STK32B: variants seen among roughly 807,000 people sequenced by gnomAD.
STK32B encodes the protein serine/threonine kinase 32B.
STK32B carries 43 observed loss-of-function variants against 52.6 expected under a neutral mutation model. The ratio of observed to expected loss-of-function variants is 0.82; its 90% CI spans 0.64 to 1.05. STK32B has a LOEUF of 1.05. Among genes scored for constraint, STK32B ranks in the 50% least tolerant of loss-of-function variants. The pLI, the probability that STK32B is intolerant of heterozygous loss-of-function variation, is 0.00. For synonymous variants in STK32B, 238 were observed against 204.3 expected (o/e 1.17, Z -1.41); for missense variants, 621 against 534.6 (o/e 1.16, Z -1.59).
chr4:5,157,168 GAT>G (rs930479547), intron 2 of STK32B, among the ~76,000 whole-genome samples: 3 of 152,026 alleles, frequency 2.0e-5, no homozygotes, highest in Non-Finnish European at 4.4e-5. Flanking sequence ...GAATCTTATT[GAT>G]CTTTCAAGGT....
At chr4:5,172,572 G>T (rs1285627064) in intron 3 of STK32B, among the ~76,000 whole-genome samples, 5 of 152,044 alleles carry the variant, frequency 3.3e-5, no homozygotes, top group African/African-American at 1.2e-4. Context: ...ATAACCATGT[G>T]GTTTTTGTCT....
In STK32B at chr4:5,168,331, A is replaced by C; in HGVS notation, c.141A>C (p.Lys47Asn). 1 of 1,613,908 alleles carries C rather than the reference A, an allele frequency of 6.2e-7. No homozygotes were observed. The highest frequency in any genetic ancestry group is 1.1e-5 in the South Asian group (1 of 91,056). Residue 47 changes from lysine (K) to asparagine (N), a missense_variant, in exon 3 of 12, where the codon AAA becomes AAC. Transcript: ENST00000282908. ...VCIVQKRDTK[K>N]MYAMKYMNKQ... ...TCGTGCAGAAGCGAGACACTAAGAA[A>C]ATGTATGCAATGAAGTACATGAACA... is the stretch of plus-strand genomic sequence containing the variant.
chr4:5,394,069 A>G lies in STK32B; in HGVS notation c.435-4138A>G, dbSNP rs545436449. On this transcript the variant is annotated intron_variant, in intron 4 of 11. Coordinates refer to ENST00000282908, the MANE Select transcript of STK32B (RefSeq NM_018401.3). This position sits in a 1 kb window ranked among gnomAD's most constrained non-coding sequence, Gnocchi z 4.2. ...TGAGAAGCCCCCTGCCAAAAGACAC[A>G]TGCAGAAACATCCTGGTGGCCCTGC... 1.3e-5 allele frequency among the ~76,000 whole-genome samples: 2 copies of G among 152,352 alleles called. No individual in the cohort carries two copies. The highest frequency in any genetic ancestry group is 4.8e-5 in the African/African-American group (2 of 41,576).
At chr4:5,334,315 A>G (rs7437357) in intron 4 of STK32B, among the ~76,000 whole-genome samples, 34,029 of 143,382 alleles carry the variant, frequency 0.24, 2,789 homozygotes, top group African/African-American at 0.49. Flanking sequence ...TGTGATTTTT[A>G]TACATTGATT....
chr4:5,150,954 T>C (rs980378799), intron 2 of STK32B, among the ~76,000 whole-genome samples: 64 of 152,124 alleles, frequency 4.2e-4, no homozygotes, highest in Non-Finnish European at 8.8e-5. Flanking sequence ...CATACCACTT[T>C]CCCCCCATGT....
intron 11 of STK32B, among the ~76,000 whole-genome samples, chr4:5,482,595 T>C (rs1436995330): frequency 2.6e-5 from 4 of 152,196 alleles, no homozygotes; most frequent in South Asian, 2.1e-4. Context: ...TCCTGCCTGA[T>C]TGCCCTGGCC....
chr4:5,277,996 A>G lies in STK32B; in HGVS notation c.261-53224A>G, dbSNP rs965754557. Among the ~76,000 whole-genome samples the G allele has an allele frequency of 2.0e-5, 3 of 152,216 alleles. 1 individual carries two copies. The highest frequency in any genetic ancestry group is 4.1e-4 in the South Asian group (2 of 4,830). On this transcript the variant is annotated intron_variant, in intron 3 of 11. Transcript: ENST00000282908. ...TGCTGCATGTGACACTTTACCAGGT[A>G]GCCACCATAAGGCTGCCTAAATGAA... is the stretch of plus-strand genomic sequence containing the variant.
At chr4:5,144,829 C>CAACA (rs1716785739) in intron 2 of STK32B, among the ~76,000 whole-genome samples, 1 of 149,992 alleles carries the variant, frequency 6.7e-6, no homozygotes, top group African/African-American at 2.5e-5. Flanking sequence ...TCCATCCATC[C>CAACA]ATCCAACATA....
At chr4:5,191,256 C>CTT (rs11288646) in intron 3 of STK32B, among the ~76,000 whole-genome samples, 7,776 of 146,098 alleles carry the variant, frequency 0.053, 371 homozygotes, top group Admixed American at 0.16. Flanking sequence ...TCCTGCATTC[C>CTT]TTTTTTTTTT....
rs1720547609 is a variant in STK32B, at chr4:5,499,220, G to A, written c.*137G>A. 7.8e-7 allele frequency: 1 copy of A among 1,289,192 alleles called. No individual in the cohort carries two copies. The highest frequency in any genetic ancestry group is 2.8e-5 in the East Asian group (1 of 35,990). 79.9% of individuals were successfully genotyped at this position (1,289,192 alleles called of 1,614,324 possible). ...GAAAAAGCCCTGGACTTGGAGCTGG[G>A]AAGCCTGGGTTCTGGTCCCATCTCC... On this transcript the variant is annotated 3_prime_UTR_variant, in exon 12 of 12. Transcript: ENST00000282908.
chr4:5,349,958 A>G (rs533478327), intron 4 of STK32B, among the ~76,000 whole-genome samples: 1 of 152,324 alleles, frequency 6.6e-6, no homozygotes, highest in African/African-American at 2.4e-5. Flanking sequence ...ATAAAAAATA[A>G]TGAGCAAAGC....
intron 3 of STK32B, among the ~76,000 whole-genome samples, chr4:5,191,778 A>G (rs1721223658): frequency 6.6e-6 from 1 of 152,048 alleles, no homozygotes; most frequent in African/African-American, 2.4e-5. Flanking sequence ...TGATCAAATC[A>G]AAAAAAGAAT....
chr4:5,442,681 T>G (rs1382699510), intron 6 of STK32B, among the ~76,000 whole-genome samples: 1 of 152,182 alleles, frequency 6.6e-6, no homozygotes, highest in African/African-American at 2.4e-5. Context: ...CGTTAGTTGA[T>G]GCAGTTTCTT....
intron 3 of STK32B, among the ~76,000 whole-genome samples, chr4:5,223,058 T>C (rs1723639184): frequency 6.6e-6 from 1 of 152,206 alleles, no homozygotes; most frequent in Admixed American, 6.5e-5. Context: ...CTCAAGTCTC[T>C]GGTTCCCCAC....
intron 5 of STK32B, among the ~76,000 whole-genome samples, chr4:5,412,167 A>G (rs946556814): frequency 3.3e-5 from 5 of 152,180 alleles, no homozygotes; most frequent in Non-Finnish European, 5.9e-5. Context: ...TCGATACTCC[A>G]TTAGCATTTG....
chr4:5,259,651 A>G (rs1474267252), intron 3 of STK32B, among the ~76,000 whole-genome samples: 3 of 152,224 alleles, frequency 2.0e-5, no homozygotes, highest in South Asian at 2.1e-4. Flanking sequence ...TATCTTCACT[A>G]TAATTTTCAA....
chr4:5,324,867 C>A (rs983536157), intron 3 of STK32B, among the ~76,000 whole-genome samples: 2 of 152,162 alleles, frequency 1.3e-5, no homozygotes, highest in African/African-American at 4.8e-5. Context: ...ATCTGGGCTC[C>A]CTTATGAAAT....
chr4:5,198,247 C>G (rs979653872), intron 3 of STK32B, among the ~76,000 whole-genome samples: 33 of 152,152 alleles, frequency 2.2e-4, no homozygotes, highest in African/African-American at 7.7e-4. Context: ...TCAGCCAACA[C>G]TCTATCAAAA....
At chr4:5,178,441 T>A (rs1375737881) in intron 3 of STK32B, among the ~76,000 whole-genome samples, 5 of 152,172 alleles carry the variant, frequency 3.3e-5, no homozygotes. Context: ...GCTGTGAAGG[T>A]CTCTGACATG....
Sources: allele counts gnomAD v4.1 joint callset (sites outside exome capture counted in the v4.1 genomes callset), GRCh38; gene constraint gnomAD v4.1.1; non-coding constraint Gnocchi (gnomAD v3.1); transcripts MANE v1.5; gene names NCBI Gene and HGNC (gene_info 2026-07-23, HGNC 2026-07-21).